Variants in PLCD4 observed in about 807,000 individuals in gnomAD.
PLCD4 encodes the protein 1-phosphatidylinositol 4,5-bisphosphate phosphodiesterase delta-4.
Under a neutral mutation model 90.2 loss-of-function variants are expected in PLCD4, and 63 were observed. That is an observed-to-expected ratio of 0.70 (90% CI 0.57 to 0.86). The LOEUF is 0.86. Ranked by LOEUF, PLCD4 falls within the 40% of genes least tolerant of loss-of-function variation. PLCD4 has a pLI of 0.00. For synonymous variants in PLCD4, 294 were observed against 356.5 expected (o/e 0.82, Z 1.97); for missense variants, 830 against 956.3 (o/e 0.87, Z 1.74).
intron 2 of PLCD4, 51 bp from the exon 3 acceptor site, chr2:218,615,853 G>A (rs1695555438): frequency 1.2e-6 from 2 of 1,609,348 alleles, no homozygotes; most frequent in South Asian, 2.2e-5. Context: ...GCTCTCCCTG[G>A]GCCTGCTACC....
intron 14 of PLCD4, 56 bp from the exon 15 acceptor site, chr2:218,636,186 AC>A (rs1327556607): frequency 4.9e-5 from 76 of 1,566,188 alleles, no homozygotes; most frequent in Non-Finnish European, 7.0e-6. Flanking sequence ...AAGAAAAGCA[AC>A]CCAGTCAAGA....
chr2:218,634,460 G>C lies in PLCD4; in HGVS notation c.1726G>C (p.Ala576Pro), dbSNP rs773273820. 2 of 1,611,244 alleles carry C rather than the reference G, an allele frequency of 1.2e-6. No individual in the cohort carries two copies. The highest frequency in any genetic ancestry group is 2.2e-5 in the East Asian group (1 of 44,856). The change falls in exon 13 of 16, where the codon GCC (alanine) becomes CCC (proline). Residue 576 changes from alanine (A) to proline (P), a missense_variant and splice_region_variant. Physicochemically the swap from Ala to Pro is conservative, Grantham distance 27 (BLOSUM62 -1). Transcript: ENST00000450993. The surrounding 1 kb of genome is among the most constrained non-coding windows in gnomAD (Gnocchi z 4.0). ...ELWNAGCQMV[A>P]MNMQTAGLEM... ...TTCTTTTCTCCTGGGGCCCTCAGTG[G>C]CCATGAATATGCAGACTGCAGGGCT... is the stretch of plus-strand genomic sequence containing the variant.
rs3074252 is a variant in PLCD4 at position 218,619,266 on chromosome 2, C to CAT, written c.410+482_410+483dup. Among the ~76,000 whole-genome samples the CAT allele has an allele frequency of 3.5e-3, 509 of 146,786 alleles. 2 individuals carry two copies. Among genetic ancestry groups the CAT allele is most frequent in the African/African-American group, 0.012 (464 of 39,654 alleles). The stretch of plus-strand genomic sequence containing the variant: ...GGCACTATGCCAGACTATAGGGGTA[C>CAT]ATATATATATATATATATATATATG... On this transcript the variant is annotated intron_variant, in intron 4 of 15. Coordinates refer to ENST00000450993, the MANE Select transcript of PLCD4 (RefSeq NM_032726.4).
At chr2:218,628,515 G>A (rs1427987950) in intron 7 of PLCD4, 5 of 333,736 alleles carry the variant, frequency 1.5e-5, no homozygotes, top group Non-Finnish European at 2.2e-5. Flanking sequence ...ATTGTTAAAT[G>A]GAAGGCAATA....
At chr2:218,615,800 G>A (rs371303606) in intron 2 of PLCD4, 39 bp downstream of exon 2, 1 of 1,602,246 alleles carries the variant, frequency 6.2e-7, no homozygotes, top group Non-Finnish European at 8.5e-7. Flanking sequence ...AGGCCTTAGT[G>A]TACAGCTCAG....
At position 218,636,793 on chromosome 2, in the gene PLCD4, T is replaced by C; in HGVS notation, c.*216T>C. 1.6e-6 allele frequency: 1 copy of C among 629,134 alleles called. No individual in the cohort carries two copies. 39.0% of individuals were successfully genotyped at this position (629,134 alleles called of 1,614,324 possible). On this transcript the variant is annotated 3_prime_UTR_variant, in exon 16 of 16. Coordinates refer to ENST00000450993, the MANE Select transcript of PLCD4 (RefSeq NM_032726.4). Reference sequence around the variant, plus strand: ...CCCTTCCTTTGTTTTCATAAGCCTTTGGTATCTTTCCTGCCCTTTTCCTTT... The same window carrying C: ...CCCTTCCTTTGTTTTCATAAGCCTTCGGTATCTTTCCTGCCCTTTTCCTTT...
chr2:218,628,142 C>T lies in PLCD4; in HGVS notation c.886C>T (p.Leu296=), dbSNP rs753295633. 6 of 1,614,056 alleles carry T rather than the reference C, an allele frequency of 3.7e-6. No individual in the cohort carries two copies. The highest frequency in any genetic ancestry group is 1.7e-5 in the Admixed American group (1 of 60,028). Reference sequence around the variant, plus strand: ...CATCTATCAGGATATGACTCAACCCCTGAACCACTACTTCATCTGCTCTTC... The same window carrying T: ...CATCTATCAGGATATGACTCAACCCTTGAACCACTACTTCATCTGCTCTTC... ...LPIYQDMTQP[L]NHYFICSSHN... The change falls in exon 7 of 16, where the codon CTG becomes TTG. Residue 296 remains leucine (L), a synonymous_variant. Transcript: ENST00000450993.
intron 4 of PLCD4, among the ~76,000 whole-genome samples, chr2:218,619,156 T>C (rs1332139671): frequency 6.6e-6 from 1 of 152,108 alleles, no homozygotes; most frequent in Non-Finnish European, 1.5e-5. Flanking sequence ...GGCTCAGTGA[T>C]ATAAACTCAC....
Position 218,628,234 on chromosome 2 carries a change from C to T in PLCD4, c.974+4C>T, listed in dbSNP as rs1418295680. 6.2e-7 allele frequency: 1 copy of T among 1,613,248 alleles called. No individual in the cohort carries two copies. Among genetic ancestry groups the T allele is most frequent in the Non-Finnish European group, 8.5e-7 (1 of 1,179,320 alleles). On this transcript the variant is annotated splice_donor_region_variant and intron_variant, in intron 7 of 15. Coordinates refer to ENST00000450993, the MANE Select transcript of PLCD4 (RefSeq NM_032726.4). ...GCAGCGTCGAGGGATATATACGGTG[C>T]AGTGGTGGTAGAGAAGGGGTCCAAC...
At chr2:218,622,942 G>T in intron 6 of PLCD4, 64 bp downstream of exon 6, 1 of 1,418,346 alleles carries the variant, frequency 7.1e-7, no homozygotes, top group Non-Finnish European at 9.7e-7. Context: ...TGATTACAAG[G>T]TCCAGAGACA....
chr2:218,634,329 G>A lies in PLCD4; in HGVS notation c.1723+108G>A, dbSNP rs1575042928. On this transcript the variant is annotated intron_variant, in intron 12 of 15. Coordinates refer to ENST00000450993, the MANE Select transcript of PLCD4 (RefSeq NM_032726.4). The surrounding 1 kb of genome is among the most constrained non-coding windows in gnomAD (Gnocchi z 4.0). ...GAATGCTCAAGAAAATTGCTAGGCT[G>A]AGAAATGCTATCAGTGGATATTACC... 1.9e-6 allele frequency: 3 copies of A among 1,572,874 alleles called. No homozygotes were observed. Among genetic ancestry groups the A allele is most frequent in the East Asian group, 4.6e-5 (2 of 43,842 alleles).
At chr2:218,635,959 G>T in intron 14 of PLCD4, 28 bp downstream of exon 14, 1 of 1,613,838 alleles carries the variant, frequency 6.2e-7, no homozygotes, top group Non-Finnish European at 8.5e-7. Context: ...CTGGGGAGGT[G>T]GGGGTAGGAG....
At chr2:218,611,249 T>C (rs1695319412) in intron 1 of PLCD4, among the ~76,000 whole-genome samples, 1 of 152,028 alleles carries the variant, frequency 6.6e-6, no homozygotes, top group African/African-American at 2.4e-5. Context: ...GGGAGAAGGA[T>C]TGGAAGAACA....
chr2:218,623,023 C>A, intron 6 of PLCD4, 145 bp downstream of exon 6: 1 of 714,744 alleles, frequency 1.4e-6, no homozygotes, highest in Non-Finnish European at 2.3e-6. Context: ...CTCATTTAAC[C>A]ACTCCTCCCA....
intron 1 of PLCD4, among the ~76,000 whole-genome samples, chr2:218,609,020 T>C (rs1027134053): frequency 1.3e-5 from 2 of 151,502 alleles, no homozygotes; most frequent in African/African-American, 4.9e-5. Context: ...CGGGTGCCTG[T>C]AGTCCCAGCT....
chr2:218,618,554 C>T (rs1695726330), intron 3 of PLCD4, 25 bp from the exon 4 acceptor site: 1 of 1,597,866 alleles, frequency 6.3e-7, no homozygotes. Flanking sequence ...TTCCTTAATG[C>T]CTCCACCTGT....
In PLCD4 at chr2:218,628,050, G is replaced by A. The variant is rs959616226; in HGVS notation, c.794G>A (p.Ser265Asn). The A allele has an allele frequency of 8.1e-6, 13 of 1,613,884 alleles. No homozygotes were observed. The highest frequency in any genetic ancestry group is 1.0e-5 in the Non-Finnish European group (12 of 1,179,832). ...CCAGGCAAACTGCGGCATGTGCTGA[G>A]TATGGATGGCTTCCTCAGCTACCTC... ...SDSGKLRHVLSMDGFLSYLCS... is the reference protein window; with the variant it reads ...SDSGKLRHVLNMDGFLSYLCS... Residue 265 changes from serine to asparagine, a missense_variant, in exon 7 of 16, where the codon AGT becomes AAT. Transcript: ENST00000450993.
At chr2:218,616,726 T>TATACATACATACATACATACATACATAC (rs61259761) in intron 3 of PLCD4, among the ~76,000 whole-genome samples, 2 of 128,776 alleles carry the variant, frequency 1.6e-5, no homozygotes, top group African/African-American at 2.9e-5. Context: ...AAAATACATA[T>TATACATACATACATACATACATACATAC]ATACATACAT....
At chr2:218,632,334 T>C in intron 10 of PLCD4, 22 bp downstream of exon 10, 1 of 1,586,522 alleles carries the variant, frequency 6.3e-7, no homozygotes, top group Non-Finnish European at 8.6e-7. Context: ...GTGGTCTTTC[T>C]GCTGTGGTAT....
Sources: allele counts gnomAD v4.1 joint callset (sites outside exome capture counted in the v4.1 genomes callset), GRCh38; gene constraint gnomAD v4.1.1; non-coding constraint Gnocchi (gnomAD v3.1); transcripts MANE v1.5; gene names NCBI Gene and HGNC (gene_info 2026-07-23, HGNC 2026-07-21).